EXOC4: variants seen among roughly 807,000 people sequenced by gnomAD.
EXOC4 encodes the protein exocyst complex component 4.
Under a neutral mutation model 107.2 loss-of-function variants are expected in EXOC4, and 71 were observed. The observed-to-expected ratio is 0.66, with a 90% CI of 0.55 to 0.81. The LOEUF (loss-of-function observed/expected upper bound fraction) is 0.81. EXOC4 is among the 30% of genes least tolerant of loss of function. The probability of loss-of-function intolerance (pLI) is 0.00; values close to 1 mark genes in which losing one functional copy is unlikely to be tolerated. For synonymous variants in EXOC4, 456 were observed against 441.2 expected (o/e 1.03, Z -0.42); for missense variants, 1,108 against 1,189.6 (o/e 0.93, Z 1.01).
chr7:133,263,905 T>C (rs1395113915), intron 1 of EXOC4, among the ~76,000 whole-genome samples: 1 of 152,172 alleles, frequency 6.6e-6, no homozygotes, highest in Non-Finnish European at 1.5e-5. Flanking sequence ...GTGTCCCTGA[T>C]TTCTGCCTTT....
chr7:133,814,865 G>T (rs1290097768), intron 10 of EXOC4, among the ~76,000 whole-genome samples: 2 of 151,460 alleles, frequency 1.3e-5, no homozygotes, highest in African/African-American at 2.4e-5. Flanking sequence ...AAGTCATTTG[G>T]TTTTTTTTCT....
intron 5 of EXOC4, among the ~76,000 whole-genome samples, chr7:133,321,279 T>G (rs1483144191): frequency 2.0e-5 from 3 of 152,150 alleles, no homozygotes; most frequent in Non-Finnish European, 4.4e-5. Context: ...GTGACTTTTT[T>G]TTTTTAAATT....
At chr7:133,781,505 C>G (rs879415909) in intron 10 of EXOC4, among the ~76,000 whole-genome samples, 2 of 152,222 alleles carry the variant, frequency 1.3e-5, no homozygotes, top group African/African-American at 2.4e-5. Flanking sequence ...GGGTTTGTTT[C>G]TTTGTTTGCA....
intron 9 of EXOC4, among the ~76,000 whole-genome samples, chr7:133,562,668 A>G (rs1001202811): frequency 2.0e-5 from 3 of 152,242 alleles, no homozygotes; most frequent in Admixed American, 6.5e-5. Context: ...TACTAAGGCA[A>G]CAAATTGAAA....
chr7:133,823,842 ATTATAT>A lies in EXOC4; in HGVS notation c.1734+6299_1734+6304del, dbSNP rs1214169696. 6.3e-4 allele frequency among the ~76,000 whole-genome samples: 12 copies of A among 18,988 alleles called. 1 individual carries two copies. Among genetic ancestry groups the A allele is most frequent in the Non-Finnish European group, 1.2e-3 (12 of 10,018 alleles). The allele number at this position is 18,988 out of a possible 152,430, so 12.5% of individuals were successfully genotyped here. ...AATACATACATATATATATATATAT[ATTATAT>A]ATATATATATATATATATATATATT... On this transcript the variant is annotated intron_variant, in intron 11 of 17. Transcript: ENST00000253861.
At chr7:133,319,802 TCATTTC>T (rs1411039410) in intron 5 of EXOC4, among the ~76,000 whole-genome samples, 1 of 151,376 alleles carries the variant, frequency 6.6e-6, no homozygotes, top group Non-Finnish European at 1.5e-5. Context: ...TTAGATGGGT[TCATTTC>T]CTTGACTATT....
chr7:133,693,397 G>T lies in EXOC4; in HGVS notation c.1514+63256G>T, dbSNP rs184784138. ...CTGCTTTATTCTAGCCCTGCTGGCA[G>T]CTGATTAGATGGTGCCCACCCTGCT... On this transcript the variant is annotated intron_variant, in intron 10 of 17. Transcript: ENST00000253861. Among the ~76,000 whole-genome samples the T allele has an allele frequency of 1.3e-3, 192 of 152,304 alleles. 3 individuals carry two copies. Among genetic ancestry groups the T allele is most frequent in the African/African-American group, 4.5e-3 (187 of 41,564 alleles).
At chr7:133,511,167 C>G (rs931895477) in intron 9 of EXOC4, among the ~76,000 whole-genome samples, 1 of 151,966 alleles carries the variant, frequency 6.6e-6, no homozygotes, top group Non-Finnish European at 1.5e-5. Context: ...ATAAAAAAGA[C>G]AAATTCACAA....
At chr7:133,466,898 A>G (rs1798742746) in intron 7 of EXOC4, among the ~76,000 whole-genome samples, 1 of 152,176 alleles carries the variant, frequency 6.6e-6, no homozygotes, top group African/African-American at 2.4e-5. Context: ...ATAGATATAG[A>G]AAAGCACTTG....
At chr7:133,850,948 C>T (rs1159804037) in intron 11 of EXOC4, among the ~76,000 whole-genome samples, 1 of 152,102 alleles carries the variant, frequency 6.6e-6, no homozygotes, top group Non-Finnish European at 1.5e-5. Flanking sequence ...TTGACTCTTC[C>T]TAGCTTATTC....
intron 1 of EXOC4, among the ~76,000 whole-genome samples, chr7:133,272,824 C>G (rs549459099): frequency 6.6e-6 from 1 of 152,272 alleles, no homozygotes; most frequent in East Asian, 1.9e-4. Flanking sequence ...CTTTCTATTC[C>G]CTAAATAACT....
chr7:133,464,823 T>G (rs1283235708), intron 7 of EXOC4, among the ~76,000 whole-genome samples: 10 of 123,414 alleles, frequency 8.1e-5, no homozygotes, highest in Non-Finnish European at 1.4e-4. Context: ...TTTTTTTTTT[T>G]TTTTTTTTTT....
chr7:133,661,813 G>GTAGTCCTGTAAAGCATATA (rs1793694781), intron 10 of EXOC4, among the ~76,000 whole-genome samples: 1 of 151,702 alleles, frequency 6.6e-6, no homozygotes, highest in Non-Finnish European at 1.5e-5. Context: ...GACTATATTG[G>GTAGTCCTGTAAAGCATATA]TAGTCCTGTA....
At chr7:133,659,411 T>A (rs1256513123) in intron 10 of EXOC4, among the ~76,000 whole-genome samples, 3 of 152,190 alleles carry the variant, frequency 2.0e-5, no homozygotes, top group Non-Finnish European at 4.4e-5. Flanking sequence ...ATACTAAGGA[T>A]GCTCTAAGGG....
chr7:133,420,614 C>A (rs912176541), intron 7 of EXOC4, among the ~76,000 whole-genome samples: 1 of 152,056 alleles, frequency 6.6e-6, no homozygotes, highest in Non-Finnish European at 1.5e-5. Flanking sequence ...AAAGCGTGGA[C>A]AGTAGGAGGT....
intron 10 of EXOC4, among the ~76,000 whole-genome samples, chr7:133,641,945 TGAAGATTAAAAA>T (rs1802866431): frequency 6.6e-6 from 1 of 152,196 alleles, no homozygotes; most frequent in Non-Finnish European, 1.5e-5. Flanking sequence ...AGGATTTCAC[TGAAGATTAAAAA>T]GAAACCAACA....
rs750096902 is a variant in EXOC4 at position 133,631,987 on chromosome 7, G to A, written c.1514+1846G>A. 3.3e-5 allele frequency among the ~76,000 whole-genome samples: 5 copies of A among 152,150 alleles called. No homozygotes were observed. The South Asian group carries it at 8.3e-4, about 25-fold the overall frequency. On this transcript the variant is annotated intron_variant, in intron 10 of 17. Coordinates refer to ENST00000253861, the MANE Select transcript of EXOC4 (RefSeq NM_021807.4). Reference sequence around the variant, plus strand: ...AAACCCTTTAGAAACTATTAACCGTGTTGTCAGTAACCACTTTTCAAGAGA... The same window carrying A: ...AAACCCTTTAGAAACTATTAACCGTATTGTCAGTAACCACTTTTCAAGAGA...
chr7:133,421,891 A>AT (rs1371094677), intron 7 of EXOC4, among the ~76,000 whole-genome samples: 2 of 152,306 alleles, frequency 1.3e-5, no homozygotes, highest in East Asian at 3.9e-4. Flanking sequence ...TACTTTAGAA[A>AT]TACCAAAATG....
chr7:133,500,575 T>G (rs1262237403), intron 9 of EXOC4, among the ~76,000 whole-genome samples: 2 of 152,320 alleles, frequency 1.3e-5, no homozygotes, highest in East Asian at 3.9e-4. Flanking sequence ...AGTTTTTACT[T>G]ATTGTGAATA....
Sources: gnomAD v4.1 joint callset for allele counts (sites outside exome capture counted in the v4.1 genomes callset) on GRCh38, gnomAD v4.1.1 for gene constraint, MANE v1.5 for transcripts, NCBI Gene and HGNC (gene_info 2026-07-23, HGNC 2026-07-21) for gene names.